ATXN8OS: variants seen among roughly 807,000 people sequenced by gnomAD.
ATXN8OS encodes the protein ATXN8 opposite strand (non-protein coding).
intron 4 of ATXN8OS, among the ~76,000 whole-genome samples, chr13:70,158,190 C>T (rs1593776678): frequency 6.6e-6 from 1 of 152,108 alleles, no homozygotes; most frequent in Admixed American, 6.5e-5. Context: ...GAGGCCGAGG[C>T]AGGCAGATCA....
At chr13:70,137,843 A>T (rs1372792117) in intron 3 of ATXN8OS, among the ~76,000 whole-genome samples, 1 of 152,222 alleles carries the variant, frequency 6.6e-6, no homozygotes, top group East Asian at 1.9e-4. Flanking sequence ...TATGAAAAAA[A>T]GAGGTTTAAT....
intron 3 of ATXN8OS, among the ~76,000 whole-genome samples, chr13:70,136,358 G>A (rs529215216): frequency 8.3e-4 from 126 of 152,136 alleles, no homozygotes; most frequent in African/African-American, 2.6e-3. Context: ...AGTCTTCCAA[G>A]ATCCAAATAC....
chr13:70,111,274 T>A (rs891880485), intron 1 of ATXN8OS, among the ~76,000 whole-genome samples: 6 of 152,212 alleles, frequency 3.9e-5, no homozygotes, highest in Non-Finnish European at 8.8e-5. Context: ...TAGTCCATTA[T>A]CTGTTACTTG....
Position 70,167,723 on chromosome 13 carries a change from CTTTT to C in ATXN8OS, n.574-2007_574-2004del, listed in dbSNP as rs4053603. On this transcript the variant is annotated intron_variant and non_coding_transcript_variant, in intron 4 of 4. Transcript: ENST00000678624. ...AATACTATCACAACATATGTAACTTCTTTTTTTTTTTTTTTTTTTTTTTTTTGAG... is the reference window on the plus strand; with the variant it reads ...AATACTATCACAACATATGTAACTTCTTTTTTTTTTTTTTTTTTTTTTGAG... Among the ~76,000 whole-genome samples the C allele has an allele frequency of 8.1e-5, 5 of 61,880 alleles. No individual in the cohort carries two copies. In the South Asian group the frequency reaches 2.2e-3, roughly 27 times the overall value. 40.6% of individuals were successfully genotyped at this position (61,880 alleles called of 152,430 possible).
At chr13:70,153,570 A>C (rs1241630457) in intron 4 of ATXN8OS, among the ~76,000 whole-genome samples, 3 of 152,172 alleles carry the variant, frequency 2.0e-5, no homozygotes, top group African/African-American at 7.2e-5. Context: ...GAGAGACTGC[A>C]AAAAAATAAA....
intron 3 of ATXN8OS, among the ~76,000 whole-genome samples, chr13:70,140,056 T>G (rs1000448475): frequency 6.6e-6 from 1 of 152,116 alleles, no homozygotes; most frequent in African/African-American, 2.4e-5. Context: ...CTACAACTCT[T>G]CATAAAAAAT....
chr13:70,139,213 C>G (rs948389611), intron 3 of ATXN8OS: 1 of 447,186 alleles, frequency 2.2e-6, no homozygotes, highest in African/African-American at 2.0e-5. Context: ...ATATTCTCTA[C>G]TATTTCCTCA....
chr13:70,154,331 C>T (rs1320554362), intron 4 of ATXN8OS, among the ~76,000 whole-genome samples: 1 of 152,126 alleles, frequency 6.6e-6, no homozygotes, highest in Non-Finnish European at 1.5e-5. Context: ...CATTTCTACC[C>T]AATTCCAACT....
rs546073692 is a variant in ATXN8OS, at chr13:70,120,748, A to T, written n.398+5450A>T. 7.7e-4 allele frequency among the ~76,000 whole-genome samples: 117 copies of T among 152,304 alleles called. 1 individual carries two copies. The highest frequency in any genetic ancestry group is 2.4e-3 in the African/African-American group (101 of 41,564). ...ATGGAATACTATGCAGCCATAAAAAATGATGAGTTCATGTCCTTTGTAGGG... is the reference window on the plus strand; with the variant it reads ...ATGGAATACTATGCAGCCATAAAAATTGATGAGTTCATGTCCTTTGTAGGG... On this transcript the variant is annotated intron_variant and non_coding_transcript_variant, in intron 2 of 4. Coordinates refer to ENST00000678624, the Ensembl canonical transcript of ATXN8OS.
intron 2 of ATXN8OS, among the ~76,000 whole-genome samples, chr13:70,121,435 G>T (rs1381952286): frequency 6.6e-6 from 1 of 151,960 alleles, no homozygotes; most frequent in East Asian, 1.9e-4. Context: ...GGAGGGAAAG[G>T]GTGTATAATT....
At chr13:70,140,310 G>C (rs936354118) in intron 3 of ATXN8OS, among the ~76,000 whole-genome samples, 3 of 152,012 alleles carry the variant, frequency 2.0e-5, no homozygotes, top group African/African-American at 7.2e-5. Context: ...ACTGGAGTAA[G>C]TATTCGATAA....
At chr13:70,116,591 G>A (rs1169648062) in intron 2 of ATXN8OS, among the ~76,000 whole-genome samples, 1 of 152,114 alleles carries the variant, frequency 6.6e-6, no homozygotes, top group African/African-American at 2.4e-5. Context: ...TCACTTACAG[G>A]ATCTTTTAAG....
intron 2 of ATXN8OS, among the ~76,000 whole-genome samples, chr13:70,124,489 G>GTGGA (rs1186426076): frequency 6.6e-6 from 1 of 152,068 alleles, no homozygotes; most frequent in Admixed American, 6.6e-5. Context: ...AGGTAGGAGG[G>GTGGA]TGGACGGGAG....
chr13:70,164,072 T>A (rs934390785), intron 4 of ATXN8OS, among the ~76,000 whole-genome samples: 1 of 146,890 alleles, frequency 6.8e-6, no homozygotes, highest in Non-Finnish European at 1.5e-5. Context: ...TTATTATTAT[T>A]ATTATTATTA....
At chr13:70,122,538 C>A (rs1888374634) in intron 2 of ATXN8OS, among the ~76,000 whole-genome samples, 1 of 151,922 alleles carries the variant, frequency 6.6e-6, no homozygotes, top group Non-Finnish European at 1.5e-5. Context: ...AGAGAAGATT[C>A]ATAAAACAAA....
intron 2 of ATXN8OS, among the ~76,000 whole-genome samples, chr13:70,126,739 T>C (rs1045559708): frequency 6.6e-6 from 1 of 151,784 alleles, no homozygotes; most frequent in Non-Finnish European, 1.5e-5. Context: ...TAAATAGACA[T>C]CTATAAATAG....
chr13:70,140,473 A>T (rs1427680373), intron 3 of ATXN8OS, among the ~76,000 whole-genome samples: 1 of 149,438 alleles, frequency 6.7e-6, no homozygotes, highest in African/African-American at 2.5e-5. Context: ...GTTTTAAACA[A>T]TGTGTAGAGT....
At chr13:70,152,390 T>A (rs1366529017) in intron 4 of ATXN8OS, among the ~76,000 whole-genome samples, 1 of 151,918 alleles carries the variant, frequency 6.6e-6, no homozygotes, top group Non-Finnish European at 1.5e-5. Flanking sequence ...TACATATATA[T>A]ACACATATAT....
intron 4 of ATXN8OS, among the ~76,000 whole-genome samples, chr13:70,160,894 C>T (rs1889001988): frequency 6.8e-6 from 1 of 147,836 alleles, no homozygotes; most frequent in African/African-American, 2.5e-5. Flanking sequence ...TAAGTGAATT[C>T]AATATAAAAT....
Sources: gnomAD v4.1 joint callset for allele counts (sites outside exome capture counted in the v4.1 genomes callset) on GRCh38, gnomAD v4.1.1 for gene constraint, MANE v1.5 for transcripts, NCBI Gene and HGNC (gene_info 2026-07-23, HGNC 2026-07-21) for gene names.